TMEM178B: variants seen among roughly 807,000 people sequenced by gnomAD.
TMEM178B encodes transmembrane protein 178B.
In TMEM178B, 5 loss-of-function variants were observed where a neutral mutation model predicts 31.0. The observed-to-expected ratio is 0.16, with a 90% CI of 0.08 to 0.34. The LOEUF (loss-of-function observed/expected upper bound fraction) is 0.34, where lower values mean the gene tolerates loss of function less well. Ranked by LOEUF, TMEM178B falls within the 10% of genes least tolerant of loss-of-function variation. The pLI is 1.00. For synonymous variants in TMEM178B, 164 were observed against 164.0 expected (o/e 1.00, Z 0.00); for missense variants, 275 against 400.3 (o/e 0.69, Z 2.67).
chr7:141,342,752 G>A (rs767245359), intron 2 of TMEM178B, among the ~76,000 whole-genome samples: 2 of 152,122 alleles, frequency 1.3e-5, no homozygotes, highest in African/African-American at 2.4e-5. Flanking sequence ...TCGAGTTTCC[G>A]CAGTCAGTGA....
At chr7:141,118,320 G>T (rs1456754211) in intron 1 of TMEM178B, among the ~76,000 whole-genome samples, 3 of 152,194 alleles carry the variant, frequency 2.0e-5, no homozygotes, top group African/African-American at 7.2e-5. Context: ...CCTGTGAAGA[G>T]CCCTGAGTCT....
chr7:141,247,516 G>A (rs966541660), intron 2 of TMEM178B, among the ~76,000 whole-genome samples: 1 of 152,130 alleles, frequency 6.6e-6, no homozygotes, highest in East Asian at 1.9e-4. Flanking sequence ...GCCTCCAAGC[G>A]ACATCCATAG....
chr7:141,110,399 T>C (rs1042224441), intron 1 of TMEM178B, among the ~76,000 whole-genome samples: 3 of 152,242 alleles, frequency 2.0e-5, no homozygotes, highest in African/African-American at 7.2e-5. Flanking sequence ...CAAATATTGA[T>C]TCAAATTGTG....
intron 2 of TMEM178B, among the ~76,000 whole-genome samples, chr7:141,424,764 T>A (rs1650076733): frequency 6.6e-6 from 1 of 152,244 alleles, no homozygotes; most frequent in Non-Finnish European, 1.5e-5. Flanking sequence ...CCCGCAGTAC[T>A]CAGATGGGGG....
chr7:141,300,023 A>T (rs1028432572), intron 2 of TMEM178B, among the ~76,000 whole-genome samples: 7 of 152,096 alleles, frequency 4.6e-5, no homozygotes. Context: ...GCCTCAAGTG[A>T]TCCTCTCACC....
At chr7:141,372,758 C>G (rs551319678) in intron 2 of TMEM178B, among the ~76,000 whole-genome samples, 3 of 152,322 alleles carry the variant, frequency 2.0e-5, no homozygotes, top group South Asian at 4.1e-4. Context: ...GCTTTGAAAA[C>G]TATGTGTAGT....
the TMEM178B span, among the ~76,000 whole-genome samples, chr7:141,486,605 T>C: frequency 6.6e-6 from 1 of 152,208 alleles, no homozygotes; most frequent in African/African-American, 2.4e-5. Context: ...ATGTGCTATA[T>C]AGGGTTAAGA....
intron 1 of TMEM178B, among the ~76,000 whole-genome samples, chr7:141,155,624 G>C (rs1373791442): frequency 6.6e-6 from 1 of 152,178 alleles, no homozygotes; most frequent in Non-Finnish European, 1.5e-5. Context: ...AGCCATCCTG[G>C]GGTCAGGCTA....
rs1389256549 is a variant in TMEM178B at position 141,471,923 on chromosome 7, C to T, written c.*1137C>T. ...GAGGGCAGAACCAAGAACAAAGCCA[C>T]TGGGCCAGAGGACCCCCGTGGTTCT... On this transcript the variant is annotated 3_prime_UTR_variant, in exon 4 of 4. Coordinates refer to ENST00000565468, the MANE Select transcript of TMEM178B (RefSeq NM_001195278.2). The surrounding 1 kb of genome is among the most constrained non-coding windows in gnomAD (Gnocchi z 4.1). The T allele has an allele frequency of 6.6e-6, 1 of 152,064 alleles. No individual in the cohort carries two copies. Among genetic ancestry groups the T allele is most frequent in the Non-Finnish European group, 1.5e-5 (1 of 68,048 alleles). The allele number at this position is 152,064 out of a possible 1,614,324, so 9.4% of individuals were successfully genotyped here. A position where few individuals can be genotyped will look rare whatever the true frequency, so the allele number is the denominator to read the frequency against.
intron 2 of TMEM178B, among the ~76,000 whole-genome samples, chr7:141,351,571 C>T (rs1799723841): frequency 6.6e-6 from 1 of 152,190 alleles, no homozygotes; most frequent in African/African-American, 2.4e-5. Context: ...GACCCCACCC[C>T]TTGATAAGAG....
intron 3 of TMEM178B, among the ~76,000 whole-genome samples, chr7:141,448,993 G>A (rs540989915): frequency 2.6e-5 from 4 of 152,224 alleles, no homozygotes; most frequent in South Asian, 4.2e-4. Context: ...AGTGGTTGTC[G>A]AGAAGGGACT....
chr7:141,227,589 T>C (rs1285658639), intron 2 of TMEM178B, among the ~76,000 whole-genome samples: 1 of 151,982 alleles, frequency 6.6e-6, no homozygotes, highest in Non-Finnish European at 1.5e-5. Flanking sequence ...ATGATGACTT[T>C]AGGAGGTCTT....
At chr7:141,504,253 A>G in the TMEM178B span, among the ~76,000 whole-genome samples, 22 of 152,350 alleles carry the variant, frequency 1.4e-4, 1 homozygote, top group East Asian at 4.2e-3. Context: ...TTTAAAGTAC[A>G]TATATCAGAG....
chr7:141,241,039 A>G (rs944665274), intron 2 of TMEM178B, among the ~76,000 whole-genome samples: 1 of 150,668 alleles, frequency 6.6e-6, no homozygotes, highest in African/African-American at 2.4e-5. Context: ...TTTGGGGTAC[A>G]AGCGTTTTTT....
chr7:141,256,260 G>A (rs1190601284), intron 2 of TMEM178B, among the ~76,000 whole-genome samples: 1 of 152,086 alleles, frequency 6.6e-6, no homozygotes, highest in South Asian at 2.1e-4. Flanking sequence ...ATTAAAAGAA[G>A]GGATAGGGCT....
intron 2 of TMEM178B, among the ~76,000 whole-genome samples, chr7:141,435,290 A>G (rs1801514286): frequency 6.6e-6 from 1 of 152,274 alleles, no homozygotes; most frequent in African/African-American, 2.4e-5. Context: ...CATCCTGTTT[A>G]AGGAAGTATA....
chr7:141,339,783 C>T (rs1799486210), intron 2 of TMEM178B, among the ~76,000 whole-genome samples: 1 of 152,216 alleles, frequency 6.6e-6, no homozygotes. Context: ...GGACCAGGGA[C>T]AGCACAGACT....
chr7:141,440,806 A>G (rs1273543233), intron 3 of TMEM178B, among the ~76,000 whole-genome samples: 1 of 152,226 alleles, frequency 6.6e-6, no homozygotes, highest in Non-Finnish European at 1.5e-5. Flanking sequence ...GAGCAAATTC[A>G]TCTCATCCAC....
chr7:141,453,159 T>C (rs1326109516), intron 3 of TMEM178B, among the ~76,000 whole-genome samples: 2 of 152,250 alleles, frequency 1.3e-5, no homozygotes, highest in Non-Finnish European at 2.9e-5. Flanking sequence ...TTGATGGCAT[T>C]TGCCTCATTG....
Sources: allele counts gnomAD v4.1 joint callset (sites outside exome capture counted in the v4.1 genomes callset), GRCh38; gene constraint gnomAD v4.1.1; non-coding constraint Gnocchi (gnomAD v3.1); transcripts MANE v1.5; gene names NCBI Gene and HGNC (gene_info 2026-07-23, HGNC 2026-07-21).